The following ELOVL6 variants were observed in gnomAD, a reference collection of about 807,000 sequenced individuals.
The protein encoded by ELOVL6 is very long chain fatty acid elongase 6.
In ELOVL6, 8 loss-of-function variants were observed where a neutral mutation model predicts 31.7. The ratio of observed to expected loss-of-function variants is 0.25; its 90% CI spans 0.15 to 0.45. The LOEUF is 0.45. ELOVL6 is among the 20% of genes least tolerant of loss of function. The pLI, the probability that ELOVL6 is intolerant of heterozygous loss-of-function variation, is 1.00. For synonymous variants in ELOVL6, 101 were observed against 117.7 expected (o/e 0.86, Z 0.92); for missense variants, 126 against 326.4 (o/e 0.39, Z 4.73).
intron 1 of ELOVL6, among the ~76,000 whole-genome samples, chr4:110,186,803 CAAAAAAA>C (rs397994948): frequency 1.5e-4 from 12 of 82,542 alleles, no homozygotes; most frequent in African/African-American, 2.0e-4. Context: ...GACTCTGTCT[CAAAAAAA>C]AAAAAAAAAA....
In ELOVL6 at chr4:110,198,368, C is replaced by G. The variant is rs72900572; in HGVS notation, c.-33G>C. ...GATCTTCGGAGTCGCTACGTGTTCT[C>G]TATACAAAATAAAATAATCTGTAAA... On this transcript the variant is annotated 5_prime_UTR_variant, in exon 1 of 4. Coordinates refer to ENST00000302274, the MANE Select transcript of ELOVL6 (RefSeq NM_024090.3). 3.9e-6 allele frequency: 5 copies of G among 1,292,096 alleles called. No individual in the cohort carries two copies. The Admixed American group carries it at 5.3e-5, about 14-fold the overall frequency. 80.0% of individuals were successfully genotyped at this position (1,292,096 alleles called of 1,614,324 possible).
chr4:110,188,229 A>T (rs1292382726), intron 1 of ELOVL6, among the ~76,000 whole-genome samples: 1 of 152,200 alleles, frequency 6.6e-6, no homozygotes, highest in Non-Finnish European at 1.5e-5. Flanking sequence ...GACAGTAAAT[A>T]TTTCATAGGC....
intron 1 of ELOVL6, among the ~76,000 whole-genome samples, chr4:110,154,214 C>T (rs1021311907): frequency 6.6e-5 from 10 of 151,980 alleles, no homozygotes; most frequent in African/African-American, 1.9e-4. Flanking sequence ...GTAGCTGGGA[C>T]TATAGGTGTG....
chr4:110,154,701 G>A (rs904162718), intron 1 of ELOVL6, among the ~76,000 whole-genome samples: 2 of 152,202 alleles, frequency 1.3e-5, no homozygotes, highest in African/African-American at 4.8e-5. Flanking sequence ...CTTACCAGCT[G>A]CTAACTTTTC....
intron 1 of ELOVL6, among the ~76,000 whole-genome samples, chr4:110,153,507 T>C (rs1341041044): frequency 1.3e-5 from 2 of 152,186 alleles, no homozygotes; most frequent in Non-Finnish European, 2.9e-5. Context: ...ATGAGAAATG[T>C]ACTTATTGAC....
At chr4:110,179,863 G>A (rs1759220175) in intron 1 of ELOVL6, among the ~76,000 whole-genome samples, 1 of 152,160 alleles carries the variant, frequency 6.6e-6, no homozygotes, top group Non-Finnish European at 1.5e-5. Context: ...TCCTGAAGAA[G>A]GACAACCATT....
At position 110,065,555 on chromosome 4, in the gene ELOVL6, T is replaced by G. The variant is rs550393080; in HGVS notation, c.222-5801A>C. On this transcript the variant is annotated intron_variant, in intron 2 of 3. Coordinates refer to ENST00000302274, the MANE Select transcript of ELOVL6 (RefSeq NM_024090.3). ...GAAAGGATCGCTTGAGTGCAGGATG[T>G]CGAGCCTGCAATAAGCCATAATTGT... Among the ~76,000 whole-genome samples the G allele has an allele frequency of 6.2e-4, 95 of 152,304 alleles. 2 individuals are homozygous for G. The South Asian group carries it at 0.018, about 29-fold the overall frequency.
intron 1 of ELOVL6, among the ~76,000 whole-genome samples, 154 bp from the exon 2 acceptor site, chr4:110,105,782 T>C (rs1030422069): frequency 1.3e-5 from 2 of 152,244 alleles, no homozygotes; most frequent in Non-Finnish European, 2.9e-5. Flanking sequence ...GGCAAACTAG[T>C]GTTCTGTTGA....
At chr4:110,166,025 A>T (rs1486412642) in intron 1 of ELOVL6, among the ~76,000 whole-genome samples, 1 of 152,068 alleles carries the variant, frequency 6.6e-6, no homozygotes, top group African/African-American at 2.4e-5. Flanking sequence ...ACAGAGCCTC[A>T]GCACTCCTGG....
chr4:110,128,478 T>C (rs904929105), intron 1 of ELOVL6, among the ~76,000 whole-genome samples: 8 of 152,172 alleles, frequency 5.3e-5, no homozygotes, highest in African/African-American at 1.9e-4. Flanking sequence ...CTTGAGTAAG[T>C]CTGGTGGGAA....
At chr4:110,101,507 A>G (rs1277876257) in intron 2 of ELOVL6, among the ~76,000 whole-genome samples, 7 of 152,200 alleles carry the variant, frequency 4.6e-5, no homozygotes, top group Admixed American at 2.0e-4. Flanking sequence ...GCAGAAAAAC[A>G]CAAACAATAA....
intron 1 of ELOVL6, among the ~76,000 whole-genome samples, chr4:110,124,591 T>C (rs1199976239): frequency 6.6e-6 from 1 of 151,700 alleles, no homozygotes; most frequent in Non-Finnish European, 1.5e-5. Context: ...TCAGGACAAA[T>C]AGCTAATGCA....
rs975185948 is a variant in ELOVL6, at chr4:110,070,585, TG to T, written c.222-10832del. 5.3e-5 allele frequency among the ~76,000 whole-genome samples: 8 copies of T among 152,100 alleles called. 1 individual carries two copies. The South Asian group carries it at 8.3e-4, about 16-fold the overall frequency. On this transcript the variant is annotated intron_variant, in intron 2 of 3. Transcript: ENST00000302274. ...TCATGAGGAAACCAAACATTTTTCC[TG>T]GGGGAAAAAATCTCACGTTGAACTG...
At chr4:110,104,446 G>C (rs1442104589) in intron 2 of ELOVL6, among the ~76,000 whole-genome samples, 1 of 152,034 alleles carries the variant, frequency 6.6e-6, no homozygotes, top group East Asian at 1.9e-4. Context: ...TAGATGGAGG[G>C]ATCCAACATT....
intron 1 of ELOVL6, among the ~76,000 whole-genome samples, chr4:110,147,532 T>G (rs1758153671): frequency 6.6e-6 from 1 of 152,118 alleles, no homozygotes; most frequent in South Asian, 2.1e-4. Context: ...TGATACAGCC[T>G]GCAGGGAACT....
chr4:110,056,201 T>G (rs962583725), intron 3 of ELOVL6, among the ~76,000 whole-genome samples: 1 of 151,978 alleles, frequency 6.6e-6, no homozygotes, highest in African/African-American at 2.4e-5. Flanking sequence ...TTGGTGCTCA[T>G]AAAGAGTCCA....
At chr4:110,155,881 T>C (rs917494564) in intron 1 of ELOVL6, among the ~76,000 whole-genome samples, 3 of 152,112 alleles carry the variant, frequency 2.0e-5, no homozygotes, top group African/African-American at 4.8e-5. Context: ...TCCCAGACAA[T>C]TACAACACGG....
At chr4:110,057,184 A>G (rs927421429) in intron 3 of ELOVL6, among the ~76,000 whole-genome samples, 6 of 152,186 alleles carry the variant, frequency 3.9e-5, no homozygotes, top group Admixed American at 3.3e-4. Flanking sequence ...AACACAACAC[A>G]ATTAGTCCTT....
chr4:110,164,439 T>A (rs1489542036), intron 1 of ELOVL6, among the ~76,000 whole-genome samples: 3 of 152,138 alleles, frequency 2.0e-5, no homozygotes, highest in South Asian at 2.1e-4. Context: ...CTTTCATAAG[T>A]CTGCCACAAG....
Sources: allele counts gnomAD v4.1 joint callset (sites outside exome capture counted in the v4.1 genomes callset), GRCh38; gene constraint gnomAD v4.1.1; transcripts MANE v1.5; gene names NCBI Gene and HGNC (gene_info 2026-07-23, HGNC 2026-07-21).